The following CTNND2 variants were observed in gnomAD, a reference collection of about 807,000 sequenced individuals.
CTNND2 encodes catenin delta 2, also known as catenin delta-2.
In CTNND2, 22 loss-of-function variants were observed where a neutral mutation model predicts 144.4. The observed-to-expected ratio is 0.15, with a 90% CI of 0.11 to 0.22. The LOEUF (loss-of-function observed/expected upper bound fraction) is 0.22, where lower values mean the gene tolerates loss of function less well. Among genes scored for constraint, CTNND2 ranks in the 10% least tolerant of loss-of-function variants. CTNND2 has a pLI of 1.00. For synonymous variants in CTNND2, 751 were observed against 695.6 expected (o/e 1.08, Z -1.25); for missense variants, 1,353 against 1,618.8 (o/e 0.84, Z 2.82).
chr5:11,331,665 T>A lies in CTNND2; in HGVS notation c.1628+14707A>T, dbSNP rs944439585. On this transcript the variant is annotated intron_variant, in intron 9 of 21. Coordinates refer to ENST00000304623, the MANE Select transcript of CTNND2 (RefSeq NM_001332.4). ...ACTTAGAACATATTTGTTGAGTGAATGAATGAATGAAAATATCTAAAACCC... is the reference window on the plus strand; with the variant it reads ...ACTTAGAACATATTTGTTGAGTGAAAGAATGAATGAAAATATCTAAAACCC... 1.8e-4 allele frequency among the ~76,000 whole-genome samples: 28 copies of A among 152,154 alleles called. 1 individual carries two copies. The highest frequency in any genetic ancestry group is 8.5e-4 in the Admixed American group (13 of 15,274).
rs1180358408 is a variant in CTNND2 at position 11,517,938 on chromosome 5, T to C, written c.287+47006A>G. 2.0e-5 allele frequency among the ~76,000 whole-genome samples: 3 copies of C among 152,212 alleles called. No homozygotes were observed. In the South Asian group the frequency reaches 6.2e-4, roughly 31 times the overall value. On this transcript the variant is annotated intron_variant, in intron 3 of 21. Coordinates refer to ENST00000304623, the MANE Select transcript of CTNND2 (RefSeq NM_001332.4). ...TAGATCTTCGGACACAGACAAATAC[T>C]GCAGGATTACGTTTATATGTGGAAT... is the stretch of plus-strand genomic sequence containing the variant.
At chr5:11,746,574 T>C (rs1042890106) in intron 1 of CTNND2, among the ~76,000 whole-genome samples, 5 of 152,168 alleles carry the variant, frequency 3.3e-5, no homozygotes, top group African/African-American at 1.2e-4. Flanking sequence ...AAATTTTCTG[T>C]CATTTGCAAT....
At chr5:11,366,178 A>G (rs1416098206) in intron 7 of CTNND2, among the ~76,000 whole-genome samples, 1 of 152,230 alleles carries the variant, frequency 6.6e-6, no homozygotes, top group Non-Finnish European at 1.5e-5. Flanking sequence ...CTGTTTTGTC[A>G]GGAACATATA....
intron 3 of CTNND2, among the ~76,000 whole-genome samples, chr5:11,427,474 T>C (rs1403581015): frequency 6.6e-6 from 1 of 151,992 alleles, no homozygotes; most frequent in Non-Finnish European, 1.5e-5. Context: ...GAGACGAGGT[T>C]TGACCATGTT....
At chr5:11,462,281 G>T (rs61758951) in intron 3 of CTNND2, among the ~76,000 whole-genome samples, 6 of 152,130 alleles carry the variant, frequency 3.9e-5, no homozygotes, top group Non-Finnish European at 5.9e-5. Context: ...TGATTTCGAT[G>T]ACCTCGTGGG....
chr5:11,731,053 C>A (rs1787361528), intron 2 of CTNND2, among the ~76,000 whole-genome samples: 1 of 152,170 alleles, frequency 6.6e-6, no homozygotes, highest in South Asian at 2.1e-4. Context: ...AATCAAGGAG[C>A]ACAGCCTAAA....
chr5:11,585,632 A>G (rs946227370), intron 2 of CTNND2, among the ~76,000 whole-genome samples: 6 of 152,162 alleles, frequency 3.9e-5, no homozygotes, highest in African/African-American at 1.2e-4. Context: ...TGAAGTTTAC[A>G]TTCTAATGGA....
chr5:11,221,409 G>T (rs1739779132), intron 10 of CTNND2, among the ~76,000 whole-genome samples: 2 of 152,190 alleles, frequency 1.3e-5, no homozygotes, highest in South Asian at 4.1e-4. Context: ...CCAGGTTGAG[G>T]AGGTCTAAAT....
chr5:11,329,456 A>C (rs1279930312), intron 9 of CTNND2, among the ~76,000 whole-genome samples: 5 of 152,120 alleles, frequency 3.3e-5, no homozygotes, highest in Non-Finnish European at 4.4e-5. Flanking sequence ...TGCCTGGCCA[A>C]AGTTAATCAT....
At chr5:11,322,812 T>C (rs1752164230) in intron 9 of CTNND2, among the ~76,000 whole-genome samples, 2 of 152,174 alleles carry the variant, frequency 1.3e-5, no homozygotes, top group African/African-American at 4.8e-5. Flanking sequence ...TTTAAATAAA[T>C]ACATTTAAAG....
intron 1 of CTNND2, among the ~76,000 whole-genome samples, chr5:11,798,294 A>G (rs1791506952): frequency 6.6e-6 from 1 of 151,970 alleles, no homozygotes; most frequent in Admixed American, 6.6e-5. Flanking sequence ...TGTGTCTTCA[A>G]ACCAAGATAT....
intron 2 of CTNND2, among the ~76,000 whole-genome samples, chr5:11,578,414 G>C (rs1011471171): frequency 1.3e-5 from 2 of 152,004 alleles, no homozygotes; most frequent in Non-Finnish European, 2.9e-5. Context: ...TGTAATCCTA[G>C]CACTTTGGGA....
intron 3 of CTNND2, among the ~76,000 whole-genome samples, chr5:11,446,599 T>C (rs913622842): frequency 2.0e-5 from 3 of 152,134 alleles, no homozygotes; most frequent in Non-Finnish European, 4.4e-5. Context: ...AAACTAAAGG[T>C]TGCAAAAGAT....
chr5:11,504,181 G>C lies in CTNND2; in HGVS notation c.287+60763C>G, dbSNP rs145843960. Among the ~76,000 whole-genome samples the C allele has an allele frequency of 2.1e-3, 323 of 152,328 alleles. 2 individuals carry two copies. The highest frequency in any genetic ancestry group is 7.4e-3 in the African/African-American group (307 of 41,582). On this transcript the variant is annotated intron_variant, in intron 3 of 21. Coordinates refer to ENST00000304623, the MANE Select transcript of CTNND2 (RefSeq NM_001332.4). ...GAAGAGTGCAGACAGGGAACCTGAT[G>C]CTCCTCTCCTAACCCCACCCTCTCC...
intron 2 of CTNND2, among the ~76,000 whole-genome samples, chr5:11,629,532 T>C (rs1781318316): frequency 6.6e-6 from 1 of 152,040 alleles, no homozygotes; most frequent in South Asian, 2.1e-4. Flanking sequence ...CTACCAGCAA[T>C]TGGAGGAGAG....
At chr5:11,127,553 C>T (rs1263905158) in intron 12 of CTNND2, among the ~76,000 whole-genome samples, 2 of 152,174 alleles carry the variant, frequency 1.3e-5, no homozygotes, top group East Asian at 1.9e-4. Flanking sequence ...GGCTGACGTT[C>T]GATAAGCTCT....
intron 1 of CTNND2, among the ~76,000 whole-genome samples, chr5:11,735,874 T>C (rs1787655402): frequency 6.6e-6 from 1 of 152,198 alleles, no homozygotes; most frequent in Admixed American, 6.5e-5. Flanking sequence ...ATTAGCAGCA[T>C]GAGAATGGAC....
intron 16 of CTNND2, among the ~76,000 whole-genome samples, chr5:11,026,330 C>T (rs944819171): frequency 4.6e-5 from 7 of 151,138 alleles, no homozygotes. Context: ...GATGACTGCT[C>T]CAGCTGACTA....
At chr5:11,634,505 G>A (rs536862748) in intron 2 of CTNND2, among the ~76,000 whole-genome samples, 1 of 152,282 alleles carries the variant, frequency 6.6e-6, no homozygotes, top group South Asian at 2.1e-4. Context: ...TGCTCTTGAG[G>A]ATGAGGAGGT....
Sources: gnomAD v4.1 joint callset for allele counts (sites outside exome capture counted in the v4.1 genomes callset) on GRCh38, gnomAD v4.1.1 for gene constraint, MANE v1.5 for transcripts, NCBI Gene and HGNC (gene_info 2026-07-23, HGNC 2026-07-21) for gene names.